The following RASA2 variants were observed in gnomAD, a reference collection of about 807,000 sequenced individuals.
RASA2 encodes the protein ras GTPase-activating protein 2.
RASA2 carries 155 observed loss-of-function variants against 118.2 expected under a neutral mutation model. That is an observed-to-expected ratio of 1.31 (90% CI 1.15 to 1.50). The LOEUF is 1.50. Ranked by LOEUF, RASA2 falls within the 40% of genes most tolerant of loss-of-function variation. The pLI is 0.00. For missense variants in RASA2, 1,016 were observed against 1,009.6 expected (o/e 1.01, Z -0.09); for synonymous variants, 353 against 349.1 (o/e 1.01, Z -0.12).
chr3:141,495,131 C>T (rs1359506644), intron 1 of RASA2, among the ~76,000 whole-genome samples: 1 of 152,216 alleles, frequency 6.6e-6, no homozygotes, highest in Non-Finnish European at 1.5e-5. Flanking sequence ...CTTTGCCAGG[C>T]ACTGTTTTAA....
At chr3:141,542,192 C>T (rs1350653921) in intron 5 of RASA2, among the ~76,000 whole-genome samples, 2 of 152,080 alleles carry the variant, frequency 1.3e-5, no homozygotes, top group African/African-American at 4.8e-5. Flanking sequence ...AGTTCCCTCT[C>T]CCCACACCCA....
chr3:141,586,582 C>T, intron 18 of RASA2, 64 bp from the exon 19 acceptor site: 1 of 1,098,636 alleles, frequency 9.1e-7, no homozygotes, highest in Non-Finnish European at 1.3e-6. Flanking sequence ...TTAAAGGATA[C>T]TTCTTTGTTT....
At position 141,572,686 on chromosome 3, in the gene RASA2, A is replaced by C; in HGVS notation, c.1247A>C (p.His416Pro). ...GAGATGATGAAAATAGTGGGAGGGC[A>C]CTACCTGAAAGTAACATTAAAACCT... Reference protein sequence around the residue: ...LDEMMKIVGGHYLKVTLKPIL... With the variant: ...LDEMMKIVGGPYLKVTLKPIL... The change falls in exon 12 of 24, where the codon CAC becomes CCC. Residue 416 changes from histidine (H) to proline (P), a missense_variant. Transcript: ENST00000286364. The C allele has an allele frequency of 6.2e-7, 1 of 1,613,004 alleles. No individual in the cohort carries two copies.
intron 19 of RASA2, among the ~76,000 whole-genome samples, chr3:141,601,982 A>G (rs568614525): frequency 6.6e-6 from 1 of 152,098 alleles, no homozygotes; most frequent in Admixed American, 6.5e-5. Context: ...TTCTCTTTGT[A>G]CTTTAGATTT....
At chr3:141,604,971 C>G (rs1371760979) in intron 19 of RASA2, among the ~76,000 whole-genome samples, 1 of 151,772 alleles carries the variant, frequency 6.6e-6, no homozygotes, top group East Asian at 1.9e-4. Flanking sequence ...AATGTCTTTT[C>G]CCCTTACTCT....
intron 1 of RASA2, among the ~76,000 whole-genome samples, chr3:141,508,524 T>G (rs2081903239): frequency 6.6e-6 from 1 of 151,982 alleles, no homozygotes; most frequent in African/African-American, 2.4e-5. Flanking sequence ...ACCACAGGCA[T>G]GCACCACCAC....
intron 19 of RASA2, among the ~76,000 whole-genome samples, chr3:141,597,656 A>G (rs866751170): frequency 6.6e-6 from 1 of 152,204 alleles, no homozygotes; most frequent in Non-Finnish European, 1.5e-5. Flanking sequence ...AAAAGAAAGG[A>G]TAAAATCAAA....
chr3:141,611,572 A>T (rs2083652288), intron 23 of RASA2, among the ~76,000 whole-genome samples: 1 of 152,166 alleles, frequency 6.6e-6, no homozygotes, highest in African/African-American at 2.4e-5. Context: ...ACAGCTAGAG[A>T]AACGGAGGCT....
At chr3:141,604,027 A>G (rs1343788798) in intron 19 of RASA2, among the ~76,000 whole-genome samples, 1 of 152,236 alleles carries the variant, frequency 6.6e-6, no homozygotes, top group Non-Finnish European at 1.5e-5. Context: ...GGCTATTATG[A>G]ACAATGCAGT....
intron 12 of RASA2, 121 bp downstream of exon 12, chr3:141,572,844 A>T: frequency 1.3e-6 from 1 of 780,880 alleles, no homozygotes; most frequent in Non-Finnish European, 2.0e-6. Context: ...TAGACTGAAC[A>T]CTTTAGAAGC....
chr3:141,602,654 G>A (rs896755800), intron 19 of RASA2, among the ~76,000 whole-genome samples: 3 of 152,194 alleles, frequency 2.0e-5, no homozygotes, highest in Non-Finnish European at 2.9e-5. Context: ...GTATCTCTCT[G>A]TTCAGATGTT....
chr3:141,605,678 C>T (rs112633373), intron 19 of RASA2, among the ~76,000 whole-genome samples: 2,005 of 152,048 alleles, frequency 0.013, 50 homozygotes, highest in African/African-American at 0.041. Context: ...TTCTTAAACT[C>T]CTGATTTCCT....
Position 141,555,890 on chromosome 3 carries a change from T to G in RASA2, c.662T>G (p.Phe221Cys), listed in dbSNP as rs1426592767. Residue 221 changes from phenylalanine (F) to cysteine (C), a missense_variant, in exon 7 of 24, where the codon TTT becomes TGT. Physicochemically the swap from Phe to Cys is radical, Grantham distance 205. Around this residue, in one of 2 missense-constraint regions of RASA2, gnomAD observed 896 missense variants for 836.4 expected, o/e 1.07. Transcript: ENST00000286364. ...AAGAAGAAAACAAGCAATCCGCAGT[T>G]TAATGAAATCTTTTATTTTGAGGTA... ...KVKKKTSNPQ[F>C]NEIFYFEVTR... is the part of the protein sequence containing the mutation. The G allele has an allele frequency of 6.2e-7, 1 of 1,611,370 alleles. No individual in the cohort carries two copies. The highest frequency in any genetic ancestry group is 8.5e-7 in the Non-Finnish European group (1 of 1,178,654).
intron 1 of RASA2, 99 bp from the exon 2 acceptor site, chr3:141,512,064 C>A: frequency 2.7e-6 from 2 of 746,688 alleles, no homozygotes; most frequent in Non-Finnish European, 4.3e-6. Flanking sequence ...TTTTCTGTGC[C>A]ACATTAATAT....
At position 141,559,959 on chromosome 3, in the gene RASA2, T is replaced by TGAAC; in HGVS notation, c.829_832dup (p.Val278GlufsTer6). On this transcript the variant is annotated frameshift_variant, in exon 9 of 24. Coordinates refer to ENST00000286364, the MANE Select transcript of RASA2 (RefSeq NM_006506.5). LOFTEE classifies it high-confidence loss of function. ...TTCCTAGGTGAGATTAAGGTTCCTGTGAACGTATTAAGAACTGATTCCTCT... is the reference window on the plus strand; with the variant it reads ...TTCCTAGGTGAGATTAAGGTTCCTGTGAACGAACGTATTAAGAACTGATTCCTCT... 1 of 1,613,314 alleles carries TGAAC rather than the reference T, an allele frequency of 6.2e-7. No individual in the cohort carries two copies.
At chr3:141,527,321 A>G (rs1280344755) in intron 3 of RASA2, among the ~76,000 whole-genome samples, 2 of 152,154 alleles carry the variant, frequency 1.3e-5, no homozygotes, top group Non-Finnish European at 2.9e-5. Context: ...AAATTTCACC[A>G]GAAGTCTACT....
intron 1 of RASA2, among the ~76,000 whole-genome samples, chr3:141,494,224 G>A (rs1392760574): frequency 6.6e-6 from 1 of 152,172 alleles, no homozygotes; most frequent in Non-Finnish European, 1.5e-5. Flanking sequence ...AAGGATATGT[G>A]CATTTTTATT....
At chr3:141,558,333 G>T (rs539847329) in intron 7 of RASA2, among the ~76,000 whole-genome samples, 2 of 152,284 alleles carry the variant, frequency 1.3e-5, no homozygotes, top group African/African-American at 4.8e-5. Context: ...TTCTGAAAAA[G>T]AAACAAAGAC....
chr3:141,551,040 T>G (rs1285854498), intron 5 of RASA2, among the ~76,000 whole-genome samples: 1 of 152,248 alleles, frequency 6.6e-6, no homozygotes, highest in East Asian at 1.9e-4. Context: ...AGTTCTGTCT[T>G]CTTTGTCATT....
Sources: gnomAD v4.1 joint callset for allele counts (sites outside exome capture counted in the v4.1 genomes callset) on GRCh38, gnomAD v4.1.1 for gene constraint, gnomAD v4.1.1 regional missense constraint, MANE v1.5 for transcripts, NCBI Gene and HGNC (gene_info 2026-07-23, HGNC 2026-07-21) for gene names.